The following TMEM132D variants were observed in gnomAD, a reference collection of about 807,000 sequenced individuals.
TMEM132D encodes mature OL transmembrane protein.
TMEM132D carries 21 observed loss-of-function variants against 62.3 expected under a neutral mutation model. That is an observed-to-expected ratio of 0.34 (90% CI 0.24 to 0.49). The LOEUF (loss-of-function observed/expected upper bound fraction) is 0.49. TMEM132D is among the 20% of genes least tolerant of loss of function. The pLI is 0.99. For missense variants in TMEM132D, 1,346 were observed against 1,402.8 expected, an observed-to-expected ratio of 0.96 and a Z score of 0.65; for synonymous variants, 621 against 575.6, an observed-to-expected ratio of 1.08 and a Z score of -1.13.
At chr12:129,699,108 GA>G (rs1881308619) in intron 2 of TMEM132D, among the ~76,000 whole-genome samples, 1 of 152,106 alleles carries the variant, frequency 6.6e-6, no homozygotes, top group South Asian at 2.1e-4. Flanking sequence ...ACTATATAAT[GA>G]AAATACAAAC....
intron 4 of TMEM132D, among the ~76,000 whole-genome samples, chr12:129,270,032 G>T (rs149275528): frequency 6.6e-6 from 1 of 152,134 alleles, no homozygotes; most frequent in Non-Finnish European, 1.5e-5. Flanking sequence ...GGGAAAAGCC[G>T]CAGGCCGAGG....
intron 3 of TMEM132D, among the ~76,000 whole-genome samples, chr12:129,379,538 C>T (rs1162305546): frequency 6.6e-6 from 1 of 152,202 alleles, no homozygotes; most frequent in Non-Finnish European, 1.5e-5. Context: ...GCCTGTCCTA[C>T]CCTGGCATAG....
At chr12:129,606,351 G>T (rs182195040) in intron 2 of TMEM132D, among the ~76,000 whole-genome samples, 325 of 152,260 alleles carry the variant, frequency 2.1e-3, no homozygotes, top group African/African-American at 7.3e-3. Flanking sequence ...TACATGAGGG[G>T]TATCTAGGTC....
chr12:129,611,573 G>A (rs779944750), intron 2 of TMEM132D, among the ~76,000 whole-genome samples: 7 of 152,170 alleles, frequency 4.6e-5, no homozygotes, highest in East Asian at 3.9e-4. Context: ...TCCAATGGAC[G>A]TTGACTGGGG....
intron 3 of TMEM132D, among the ~76,000 whole-genome samples, chr12:129,432,957 C>T (rs11613599): frequency 0.015 from 2,323 of 152,254 alleles, 25 homozygotes; most frequent in Non-Finnish European, 0.025. Context: ...GTAAACATTA[C>T]CCTGACTTCT....
At chr12:129,218,630 C>T (rs1879272784) in intron 4 of TMEM132D, among the ~76,000 whole-genome samples, 1 of 152,192 alleles carries the variant, frequency 6.6e-6, no homozygotes. Context: ...TAACTGTACC[C>T]TTTTGAATGA....
intron 4 of TMEM132D, among the ~76,000 whole-genome samples, chr12:129,257,562 T>C (rs2135593789): frequency 6.6e-6 from 1 of 152,256 alleles, no homozygotes; most frequent in East Asian, 1.9e-4. Flanking sequence ...GCACCTGGAT[T>C]TTCAGCTGAA....
intron 1 of TMEM132D, among the ~76,000 whole-genome samples, chr12:129,794,062 T>C (rs1366683952): frequency 1.3e-5 from 2 of 149,622 alleles, no homozygotes; most frequent in Non-Finnish European, 3.0e-5. Context: ...CAGTATTTTT[T>C]TTTAAGTGTA....
At chr12:129,759,092 CCTGG>C (rs1458425765) in intron 1 of TMEM132D, among the ~76,000 whole-genome samples, 2 of 152,032 alleles carry the variant, frequency 1.3e-5, no homozygotes, top group African/African-American at 4.8e-5. Context: ...CATCATCATG[CCTGG>C]CTAATTTTTG....
intron 3 of TMEM132D, among the ~76,000 whole-genome samples, chr12:129,398,508 C>T (rs1871499045): frequency 6.6e-6 from 1 of 152,120 alleles, no homozygotes; most frequent in Non-Finnish European, 1.5e-5. Context: ...TACCAGGAAA[C>T]TTGTTCATTC....
intron 4 of TMEM132D, among the ~76,000 whole-genome samples, chr12:129,314,962 T>C (rs184103837): frequency 3.6e-3 from 546 of 152,292 alleles, no homozygotes; most frequent in Non-Finnish European, 5.9e-3. Flanking sequence ...TGTTGGTGTA[T>C]AGAAGAGCTT....
At position 129,768,459 on chromosome 12, in the gene TMEM132D, G is replaced by A. The variant is rs540897922; in HGVS notation, c.80-67761C>T. On this transcript the variant is annotated intron_variant, in intron 1 of 8. Coordinates refer to ENST00000422113, the MANE Select transcript of TMEM132D (RefSeq NM_133448.3). ...ATGTGGTTTTTAATTTTTTAAGGACGGTTCCTTAAAAATTTAAGGAACCAT... is the reference window on the plus strand; with the variant it reads ...ATGTGGTTTTTAATTTTTTAAGGACAGTTCCTTAAAAATTTAAGGAACCAT... 1.1e-3 allele frequency among the ~76,000 whole-genome samples: 165 copies of A among 150,562 alleles called. 1 individual carries two copies. Among genetic ancestry groups the A allele is most frequent in the South Asian group, 2.8e-3 (13 of 4,692 alleles).
intron 2 of TMEM132D, among the ~76,000 whole-genome samples, chr12:129,605,587 T>TTGTATATATATATATATATA (rs1555221320): frequency 3.7e-5 from 4 of 107,364 alleles, no homozygotes; most frequent in African/African-American, 1.6e-4. Context: ...AAATTAGGCA[T>TTGTATATATATATATATATA]TATATATATA....
At chr12:129,304,112 T>G (rs1438370219) in intron 4 of TMEM132D, among the ~76,000 whole-genome samples, 1 of 152,262 alleles carries the variant, frequency 6.6e-6, no homozygotes, top group Admixed American at 6.5e-5. Context: ...TCTTACCGAC[T>G]ATCTGGCTAT....
At chr12:129,267,679 C>G (rs1053852402) in intron 4 of TMEM132D, among the ~76,000 whole-genome samples, 9 of 151,762 alleles carry the variant, frequency 5.9e-5, no homozygotes, top group African/African-American at 2.2e-4. Flanking sequence ...TTGGAAAAAG[C>G]TACTTTAAAG....
intron 5 of TMEM132D, among the ~76,000 whole-genome samples, chr12:129,166,221 G>T (rs562312578): frequency 3.9e-5 from 6 of 152,300 alleles, no homozygotes; most frequent in African/African-American, 9.6e-5. Context: ...GGATGCACCC[G>T]ATGGGACCTG....
At chr12:129,344,959 G>C (rs1266789761) in intron 3 of TMEM132D, among the ~76,000 whole-genome samples, 1 of 152,030 alleles carries the variant, frequency 6.6e-6, no homozygotes, top group African/African-American at 2.4e-5. Flanking sequence ...CCACTATGCC[G>C]ACTAGGTGTG....
chr12:129,317,849 TTTTC>T (rs1363572584), intron 4 of TMEM132D, among the ~76,000 whole-genome samples: 3 of 152,186 alleles, frequency 2.0e-5, no homozygotes, highest in East Asian at 1.9e-4. Context: ...TCTTATTATT[TTTTC>T]TTTGTCTTTG....
intron 3 of TMEM132D, among the ~76,000 whole-genome samples, chr12:129,465,550 T>C (rs1022296893): frequency 1.3e-5 from 2 of 152,298 alleles, no homozygotes; most frequent in African/African-American, 2.4e-5. Context: ...GAAAACCCCA[T>C]TGTCTCAGTC....
Sources: gnomAD v4.1 joint callset for allele counts (sites outside exome capture counted in the v4.1 genomes callset) on GRCh38, gnomAD v4.1.1 for gene constraint, MANE v1.5 for transcripts, NCBI Gene and HGNC (gene_info 2026-07-23, HGNC 2026-07-21) for gene names.